DPP10: variants seen among roughly 807,000 people sequenced by gnomAD.
The protein encoded by DPP10 is inactive dipeptidyl peptidase 10.
DPP10 carries 33 observed loss-of-function variants against 120.9 expected under a neutral mutation model. That is an observed-to-expected ratio of 0.27 (90% CI 0.21 to 0.37). The LOEUF is 0.37. Among genes scored for constraint, DPP10 ranks in the 10% least tolerant of loss-of-function variants. The pLI is 1.00. For missense variants in DPP10, 816 were observed against 942.8 expected, an observed-to-expected ratio of 0.87 and a Z score of 1.76; for synonymous variants, 337 against 326.1, an observed-to-expected ratio of 1.03 and a Z score of -0.36.
At chr2:115,003,386 A>C (rs1701583245) in intron 1 of DPP10, among the ~76,000 whole-genome samples, 2 of 152,088 alleles carry the variant, frequency 1.3e-5, no homozygotes, top group African/African-American at 4.8e-5. Context: ...GAGGAGGGAG[A>C]GGAAGAGAAA....
intron 1 of DPP10, among the ~76,000 whole-genome samples, chr2:115,049,411 T>C (rs1509744): frequency 0.97 from 147,356 of 152,224 alleles, 71,526 homozygotes; most frequent in Middle Eastern, 1. Flanking sequence ...GTTTCTGTTT[T>C]ACTACCAAAA....
intron 5 of DPP10, among the ~76,000 whole-genome samples, chr2:115,607,140 A>G (rs1241216773): frequency 6.6e-6 from 1 of 152,204 alleles, no homozygotes; most frequent in Non-Finnish European, 1.5e-5. Flanking sequence ...AAGTGCCCTT[A>G]TGACTTTGTA....
intron 1 of DPP10, among the ~76,000 whole-genome samples, chr2:114,718,466 T>A (rs1310050750): frequency 1.3e-5 from 2 of 151,118 alleles, no homozygotes; most frequent in African/African-American, 4.9e-5. Context: ...CAGTCCCTAG[T>A]AGTCACATGT....
At chr2:115,083,161 A>C (rs1192843636) in intron 1 of DPP10, among the ~76,000 whole-genome samples, 1 of 151,992 alleles carries the variant, frequency 6.6e-6, no homozygotes, top group African/African-American at 2.4e-5. Flanking sequence ...TTTTCCTTAT[A>C]AGTATCAGCA....
At chr2:115,158,964 ATTAAC>A (rs1256036275) in intron 1 of DPP10, among the ~76,000 whole-genome samples, 1 of 152,002 alleles carries the variant, frequency 6.6e-6, no homozygotes, top group East Asian at 1.9e-4. Flanking sequence ...TTGCAAGGTA[ATTAAC>A]TTATCTATTG....
chr2:115,141,058 G>A (rs557528021), intron 1 of DPP10, among the ~76,000 whole-genome samples: 2 of 152,236 alleles, frequency 1.3e-5, no homozygotes, highest in South Asian at 4.1e-4. Flanking sequence ...AAGAACAATT[G>A]AGTTAGAGCA....
At chr2:115,129,540 GAATTT>G (rs2050236389) in intron 1 of DPP10, among the ~76,000 whole-genome samples, 1 of 152,150 alleles carries the variant, frequency 6.6e-6, no homozygotes, top group African/African-American at 2.4e-5. Context: ...GGTTAAATAA[GAATTT>G]AATATATGCT....
chr2:115,253,052 C>T (rs1217887741), intron 1 of DPP10, among the ~76,000 whole-genome samples: 2 of 152,068 alleles, frequency 1.3e-5, no homozygotes, highest in Admixed American at 6.6e-5. Flanking sequence ...GTAAGGTGTA[C>T]GGGAAGCATG....
At chr2:114,738,479 A>G (rs1490309958) in intron 1 of DPP10, among the ~76,000 whole-genome samples, 1 of 152,158 alleles carries the variant, frequency 6.6e-6, no homozygotes, top group Non-Finnish European at 1.5e-5. Flanking sequence ...TGCTTCTTCT[A>G]TCTCTAGTGG....
chr2:114,617,628 T>C (rs920910769), intron 1 of DPP10, among the ~76,000 whole-genome samples: 1 of 152,058 alleles, frequency 6.6e-6, no homozygotes, highest in Admixed American at 6.6e-5. Context: ...CTCCAATTAT[T>C]TCACTCATTT....
chr2:115,638,955 A>G (rs1199770585), intron 5 of DPP10, among the ~76,000 whole-genome samples: 2 of 152,186 alleles, frequency 1.3e-5, no homozygotes, highest in East Asian at 3.9e-4. Flanking sequence ...ACAAGAAGCC[A>G]AGCATGCTCT....
chr2:115,199,787 A>T lies in DPP10; in HGVS notation c.61-109452A>T, dbSNP rs541288309. 3.3e-5 allele frequency among the ~76,000 whole-genome samples: 5 copies of T among 152,292 alleles called. No homozygotes were observed. The East Asian group carries it at 7.7e-4, about 24-fold the overall frequency. ...GCTTTTTCTTCACTGTTTTTATAGG[A>T]TGATTAAAAATATCTGGATTTCATA... On this transcript the variant is annotated intron_variant, in intron 1 of 25. Transcript: ENST00000410059.
chr2:115,612,535 A>G (rs529344633), intron 5 of DPP10, among the ~76,000 whole-genome samples: 9 of 152,304 alleles, frequency 5.9e-5, no homozygotes, highest in Non-Finnish European at 8.8e-5. Flanking sequence ...AGTAGAATGT[A>G]TCTCCCTCGT....
chr2:115,028,802 T>C (rs10186872), intron 1 of DPP10, among the ~76,000 whole-genome samples: 2,714 of 152,236 alleles, frequency 0.018, 76 homozygotes, highest in African/African-American at 0.063. Flanking sequence ...CCTTTATCTT[T>C]ATATTCTGAC....
chr2:115,003,700 C>T (rs1006728082), intron 1 of DPP10, among the ~76,000 whole-genome samples: 1 of 151,904 alleles, frequency 6.6e-6, no homozygotes, highest in Non-Finnish European at 1.5e-5. Flanking sequence ...AAAAGAACCA[C>T]AAATTATTGA....
At chr2:115,123,608 T>C (rs1020753048) in intron 1 of DPP10, among the ~76,000 whole-genome samples, 5 of 152,178 alleles carry the variant, frequency 3.3e-5, no homozygotes, top group African/African-American at 1.2e-4. Flanking sequence ...AAGCGGCTGA[T>C]GACAGATTCA....
intron 1 of DPP10, among the ~76,000 whole-genome samples, chr2:115,251,729 C>T (rs1366595368): frequency 1.3e-5 from 2 of 152,044 alleles, no homozygotes; most frequent in African/African-American, 4.8e-5. Context: ...GAATCTGAAC[C>T]CCAAGCATAA....
chr2:114,819,803 G>A (rs552477305), intron 1 of DPP10, among the ~76,000 whole-genome samples: 1 of 152,184 alleles, frequency 6.6e-6, no homozygotes, highest in Non-Finnish European at 1.5e-5. Context: ...AAAACCGGAA[G>A]CACAGTGTGG....
At chr2:115,086,750 C>T (rs1050184240) in intron 1 of DPP10, among the ~76,000 whole-genome samples, 3 of 152,048 alleles carry the variant, frequency 2.0e-5, no homozygotes, top group Non-Finnish European at 2.9e-5. Context: ...CCACCGTGCC[C>T]AGCCAAATCA....
Sources: allele counts gnomAD v4.1 joint callset (sites outside exome capture counted in the v4.1 genomes callset), GRCh38; gene constraint gnomAD v4.1.1; transcripts MANE v1.5; gene names NCBI Gene and HGNC (gene_info 2026-07-23, HGNC 2026-07-21).